The following MAP4K3 variants were observed in gnomAD, a reference collection of about 807,000 sequenced individuals.
MAP4K3 encodes the protein MAPK/ERK kinase kinase kinase 3.
MAP4K3 carries 94 observed loss-of-function variants against 143.5 expected under a neutral mutation model. The ratio of observed to expected loss-of-function variants is 0.65; its 90% CI spans 0.55 to 0.78. The LOEUF is 0.78. Ranked by LOEUF, MAP4K3 falls within the 30% of genes least tolerant of loss-of-function variation. MAP4K3 has a pLI of 0.00. For missense variants in MAP4K3, 1,077 were observed against 1,068.1 expected, an observed-to-expected ratio of 1.01 and a Z score of -0.12; for synonymous variants, 416 against 347.2, an observed-to-expected ratio of 1.20 and a Z score of -2.20.
chr2:39,422,811 A>G (rs951374584), intron 1 of MAP4K3, among the ~76,000 whole-genome samples: 19 of 152,222 alleles, frequency 1.2e-4, no homozygotes, highest in Admixed American at 6.5e-5. Flanking sequence ...TGTAAAATGC[A>G]AAACATAAAA....
At chr2:39,326,378 T>C in intron 8 of MAP4K3, 101 bp from the exon 9 acceptor site, 2 of 1,296,628 alleles carry the variant, frequency 1.5e-6, no homozygotes, top group Non-Finnish European at 2.1e-6. Flanking sequence ...AATTAAGGCC[T>C]CTTTAGGCCT....
chr2:39,354,593 G>A (rs543480793), intron 3 of MAP4K3, among the ~76,000 whole-genome samples: 41 of 151,438 alleles, frequency 2.7e-4, no homozygotes, highest in Non-Finnish European at 4.0e-4. Flanking sequence ...ACTCCAGTCC[G>A]GGAGGTTGCA....
intron 15 of MAP4K3, among the ~76,000 whole-genome samples, chr2:39,301,710 C>T (rs1019967572): frequency 4.0e-5 from 6 of 151,510 alleles, no homozygotes; most frequent in Admixed American, 1.3e-4. Context: ...ATAGGCCGGG[C>T]GCGGTAATAA....
intron 1 of MAP4K3, among the ~76,000 whole-genome samples, chr2:39,383,363 T>C (rs942683748): frequency 3.3e-5 from 5 of 152,006 alleles, no homozygotes; most frequent in African/African-American, 1.2e-4. Context: ...TCAGATCTCA[T>C]GAGAACTCAC....
rs753969986 is a variant in MAP4K3 at position 39,303,783 on chromosome 2, C to T, written c.1120-3982G>A. Among the ~76,000 whole-genome samples the T allele has an allele frequency of 4.1e-4, 63 of 152,160 alleles. 1 individual carries two copies. The highest frequency in any genetic ancestry group is 1.3e-3 in the African/African-American group (55 of 41,428). Reference sequence around the variant, plus strand: ...AACTCCTGACCTCAAGTGATCCACCCGCCTTGGCCTCCGAAAGTGCTGGGA... The same window carrying T: ...AACTCCTGACCTCAAGTGATCCACCTGCCTTGGCCTCCGAAAGTGCTGGGA... On this transcript the variant is annotated intron_variant, in intron 15 of 33. Transcript: ENST00000263881.
chr2:39,365,337 T>C (rs1171412157), intron 2 of MAP4K3, among the ~76,000 whole-genome samples: 2 of 152,160 alleles, frequency 1.3e-5, no homozygotes, highest in Non-Finnish European at 2.9e-5. Context: ...TGAACTAGTT[T>C]TTCAGGTTAA....
rs775878086 is a variant in MAP4K3, at chr2:39,437,023, C to A, written c.-36G>T. ...AGGTGCCCCCCGCCTCCCTCCCGGG[C>A]AGGGGAGGGGGGCCGCTCAGGGGGC... On this transcript the variant is annotated 5_prime_UTR_variant, in exon 1 of 34. Transcript: ENST00000263881. 2.2e-4 allele frequency: 350 copies of A among 1,569,182 alleles called. No homozygotes were observed. Among genetic ancestry groups the A allele is most frequent in the South Asian group, 3.8e-4 (34 of 88,982 alleles).
At position 39,288,294 on chromosome 2, in the gene MAP4K3, GAA is replaced by G. The variant is rs761076731; in HGVS notation, c.1315-16_1315-15del. 29 of 1,607,100 alleles carry G rather than the reference GAA, an allele frequency of 1.8e-5. No individual in the cohort carries two copies. The highest frequency in any genetic ancestry group is 2.1e-5 in the Non-Finnish European group (25 of 1,175,350). ...GATAGACTTAGGCTGAAATAATATA[GAA>G]AAAGAGACCAACAATGAAACATCAA... On this transcript the variant is annotated splice_polypyrimidine_tract_variant and intron_variant, in intron 19 of 33. Coordinates refer to ENST00000263881, the MANE Select transcript of MAP4K3 (RefSeq NM_003618.4).
At chr2:39,391,394 G>GAAAT (rs1666654985) in intron 1 of MAP4K3, among the ~76,000 whole-genome samples, 1 of 113,692 alleles carries the variant, frequency 8.8e-6, no homozygotes, top group African/African-American at 3.1e-5. Context: ...AAGAAAGAAA[G>GAAAT]AATATATACT....
chr2:39,376,784 A>G (rs1274006838), intron 2 of MAP4K3, among the ~76,000 whole-genome samples: 1 of 152,216 alleles, frequency 6.6e-6, no homozygotes, highest in African/African-American at 2.4e-5. Flanking sequence ...CATTAGAACC[A>G]TTTCATTAAG....
rs557982007 is a variant in MAP4K3 at position 39,272,153 on chromosome 2, G to C, written c.1973+130C>G. On this transcript the variant is annotated intron_variant, in intron 26 of 33. Coordinates refer to ENST00000263881, the MANE Select transcript of MAP4K3 (RefSeq NM_003618.4). ...GTGTGATCACTAAGCACTTGTTAATGTATATTACTTATTATTTTTTCATCA... is the reference window on the plus strand; with the variant it reads ...GTGTGATCACTAAGCACTTGTTAATCTATATTACTTATTATTTTTTCATCA... 4 of 660,182 alleles carry C rather than the reference G, an allele frequency of 6.1e-6. No individual in the cohort carries two copies. In the African/African-American group the frequency reaches 7.3e-5, roughly 12 times the overall value. The allele number at this position is 660,182 out of a possible 1,614,324, so 40.9% of individuals were successfully genotyped here. A position where few individuals can be genotyped will look rare whatever the true frequency, so the allele number is the denominator to read the frequency against.
Position 39,260,632 on chromosome 2 carries a change from G to A in MAP4K3, c.2282C>T (p.Ser761Phe). The stretch of plus-strand genomic sequence containing the variant: ...TGATTCTGTAAACCATGAAGAGGTA[G>A]AATTTGGATTGACCGTCTCAAATCG... ...VVRFETVNPN[S>F]TSSWFTESDT... The change falls in exon 29 of 34, where the codon TCT becomes TTT. Residue 761 changes from serine (S) to phenylalanine (F), a missense_variant. Ser to Phe is a radical substitution (Grantham distance 155). Transcript: ENST00000263881. The A allele has an allele frequency of 6.2e-7, 1 of 1,614,018 alleles. No homozygotes were observed. Among genetic ancestry groups the A allele is most frequent in the Non-Finnish European group, 8.5e-7 (1 of 1,179,982 alleles).
chr2:39,343,590 T>A, intron 3 of MAP4K3, 138 bp from the exon 4 acceptor site: 2 of 616,816 alleles, frequency 3.2e-6, no homozygotes, highest in Non-Finnish European at 5.6e-6. Context: ...AACTAATTAA[T>A]CTTTATGAGT....
At chr2:39,385,041 C>T (rs1046393347) in intron 1 of MAP4K3, among the ~76,000 whole-genome samples, 2 of 152,152 alleles carry the variant, frequency 1.3e-5, no homozygotes, top group African/African-American at 4.8e-5. Flanking sequence ...TTGCATATAT[C>T]ATTAGTTTAT....
intron 1 of MAP4K3, among the ~76,000 whole-genome samples, chr2:39,428,892 A>T (rs1041269783): frequency 5.9e-5 from 9 of 151,342 alleles, no homozygotes; most frequent in African/African-American, 2.2e-4. Flanking sequence ...ACATGGTGAA[A>T]TCCCGTCTCT....
At chr2:39,344,607 C>A (rs566907871) in intron 3 of MAP4K3, among the ~76,000 whole-genome samples, 15 of 152,258 alleles carry the variant, frequency 9.9e-5, no homozygotes, top group Admixed American at 2.0e-4. Flanking sequence ...CTATGTATCC[C>A]TTTATAGAAA....
In MAP4K3 at chr2:39,249,589, A is replaced by G. The variant is rs763843549; in HGVS notation, c.*1029T>C. 4 of 152,630 alleles carry G rather than the reference A, an allele frequency of 2.6e-5. No individual in the cohort carries two copies. Among genetic ancestry groups the G allele is most frequent in the Admixed American group, 2.0e-4 (3 of 15,272 alleles). The allele number at this position is 152,630 out of a possible 1,614,324, so 9.5% of individuals were successfully genotyped here. ...AACTAAATTATTTTGGCCATGTATT[A>G]ATACTCTAAGTCAAAAGAAATATGA... On this transcript the variant is annotated 3_prime_UTR_variant, in exon 34 of 34. Coordinates refer to ENST00000263881, the MANE Select transcript of MAP4K3 (RefSeq NM_003618.4).
Position 39,254,516 on chromosome 2 carries a change from G to A in MAP4K3, c.2475C>T (p.Cys825=). 1 of 1,612,548 alleles carries A rather than the reference G, an allele frequency of 6.2e-7. No homozygotes were observed. The highest frequency in any genetic ancestry group is 1.1e-5 in the South Asian group (1 of 90,882). ...AGAAAGCTAGCACACTGTCTTGTAG[G>A]CACACTAGCAGGCAAGAACAGCTCA... ...TFDFQIESIV[C]LQDSVLAFWK... Residue 825 remains cysteine (C), a synonymous_variant, in exon 32 of 34, where the codon TGC becomes TGT. Coordinates refer to ENST00000263881, the MANE Select transcript of MAP4K3 (RefSeq NM_003618.4).
intron 22 of MAP4K3, among the ~76,000 whole-genome samples, chr2:39,282,222 G>C (rs6725790): frequency 0.73 from 110,444 of 151,506 alleles, 44,242 homozygotes; most frequent in Non-Finnish European, 0.89. Context: ...AAAAGGGCAG[G>C]CATGGTAGTT....
Sources: gnomAD v4.1 joint callset for allele counts (sites outside exome capture counted in the v4.1 genomes callset) on GRCh38, gnomAD v4.1.1 for gene constraint, MANE v1.5 for transcripts, NCBI Gene and HGNC (gene_info 2026-07-23, HGNC 2026-07-21) for gene names.